MTUS2: variants seen among roughly 807,000 people sequenced by gnomAD.
MTUS2 encodes microtubule-associated tumor suppressor candidate 2.
MTUS2 carries 40 observed loss-of-function variants against 114.1 expected under a neutral mutation model. The observed-to-expected ratio is 0.35, with a 90% CI of 0.27 to 0.46. The LOEUF is 0.46. Among genes scored for constraint, MTUS2 ranks in the 20% least tolerant of loss-of-function variants. The probability of loss-of-function intolerance (pLI) is 1.00; values close to 1 mark genes in which losing one functional copy is unlikely to be tolerated. For missense variants in MTUS2, 1,679 were observed against 1,705.4 expected (o/e 0.98, Z 0.27); for synonymous variants, 688 against 672.0 (o/e 1.02, Z -0.37).
At chr13:29,237,358 A>G (rs771764995) in intron 5 of MTUS2, among the ~76,000 whole-genome samples, 1 of 152,086 alleles carries the variant, frequency 6.6e-6, no homozygotes, top group Non-Finnish European at 1.5e-5. Flanking sequence ...TTCTCAGCCT[A>G]GATTTCCTGA....
chr13:29,129,297 A>G (rs890726085), intron 5 of MTUS2, among the ~76,000 whole-genome samples: 3 of 149,418 alleles, frequency 2.0e-5, no homozygotes, highest in Non-Finnish European at 3.0e-5. Context: ...TATTTCTGTC[A>G]TTGGGCCAGA....
intron 5 of MTUS2, among the ~76,000 whole-genome samples, chr13:29,270,626 A>G (rs533730824): frequency 3.9e-5 from 6 of 152,318 alleles, no homozygotes; most frequent in Admixed American, 2.0e-4. Context: ...ATGGGGAGGA[A>G]CAATGTGGAC....
chr13:29,281,172 A>G (rs1229890286), intron 5 of MTUS2, among the ~76,000 whole-genome samples: 1 of 152,068 alleles, frequency 6.6e-6, no homozygotes, highest in East Asian at 1.9e-4. Context: ...CTACCCCTCT[A>G]CCTTCATCCC....
chr13:29,331,982 C>T (rs1325615943), intron 7 of MTUS2, among the ~76,000 whole-genome samples: 1 of 151,956 alleles, frequency 6.6e-6, no homozygotes, highest in African/African-American at 2.4e-5. Flanking sequence ...TGAGGATTTT[C>T]TCGTTAATGT....
At chr13:29,133,206 T>C (rs143194332) in intron 5 of MTUS2, among the ~76,000 whole-genome samples, 1 of 152,112 alleles carries the variant, frequency 6.6e-6, no homozygotes, top group Non-Finnish European at 1.5e-5. Flanking sequence ...TTTTGAATGG[T>C]ATTGTTTGTT....
At chr13:29,349,658 T>C (rs1002573779) in intron 7 of MTUS2, among the ~76,000 whole-genome samples, 6 of 152,164 alleles carry the variant, frequency 3.9e-5, no homozygotes, top group African/African-American at 1.4e-4. Flanking sequence ...AGTTGGCATT[T>C]TTTTTCTTTA....
intron 6 of MTUS2, chr13:29,307,682 C>A: frequency 3.5e-6 from 4 of 1,128,232 alleles, no homozygotes; most frequent in Non-Finnish European, 5.4e-6. Context: ...GCTAGCATTG[C>A]CCTCAACGAC....
At chr13:29,283,457 T>C (rs1898355442) in intron 6 of MTUS2, among the ~76,000 whole-genome samples, 1 of 152,228 alleles carries the variant, frequency 6.6e-6, no homozygotes, top group African/African-American at 2.4e-5. Context: ...ATTTGAATCT[T>C]TCAGCTACAA....
intron 4 of MTUS2, among the ~76,000 whole-genome samples, chr13:29,099,345 C>A (rs1189331467): frequency 1.3e-5 from 2 of 152,176 alleles, no homozygotes; most frequent in Non-Finnish European, 2.9e-5. Flanking sequence ...TCGGTTCCTC[C>A]CCATCCTAGT....
chr13:29,436,348 G>C (rs549167734), intron 8 of MTUS2, among the ~76,000 whole-genome samples: 25 of 152,252 alleles, frequency 1.6e-4, no homozygotes, highest in African/African-American at 6.0e-4. Flanking sequence ...CTTCACCATA[G>C]AGTCCCAGTT....
chr13:28,925,816 C>G (rs1881294109), intron 2 of MTUS2, among the ~76,000 whole-genome samples: 2 of 152,198 alleles, frequency 1.3e-5, no homozygotes, highest in Admixed American at 1.3e-4. Context: ...TTGCTTATGG[C>G]AAACACATAA....
intron 2 of MTUS2, among the ~76,000 whole-genome samples, chr13:28,904,857 T>G (rs1879884325): frequency 6.6e-6 from 1 of 152,032 alleles, no homozygotes; most frequent in Admixed American, 6.6e-5. Flanking sequence ...TATGGCCATT[T>G]TCATGATATT....
chr13:28,955,342 C>T (rs1032041273), intron 2 of MTUS2, among the ~76,000 whole-genome samples: 1 of 152,240 alleles, frequency 6.6e-6, no homozygotes, highest in African/African-American at 2.4e-5. Flanking sequence ...TTATAAGTAT[C>T]TAGAGGCAGC....
chr13:29,274,973 A>G (rs561630059), intron 5 of MTUS2, among the ~76,000 whole-genome samples: 149 of 140,132 alleles, frequency 1.1e-3, no homozygotes, highest in Non-Finnish European at 1.8e-3. Flanking sequence ...GCCTCAAGCA[A>G]TTCTCCTGCC....
At chr13:29,107,007 CT>C (rs1278768505) in intron 5 of MTUS2, among the ~76,000 whole-genome samples, 3 of 152,056 alleles carry the variant, frequency 2.0e-5, no homozygotes, top group African/African-American at 7.2e-5. Context: ...GCTTTCCTGC[CT>C]TTTGGTTTTG....
intron 7 of MTUS2, among the ~76,000 whole-genome samples, chr13:29,330,443 G>A (rs1900722231): frequency 1.3e-5 from 2 of 152,114 alleles, no homozygotes; most frequent in African/African-American, 4.8e-5. Flanking sequence ...AGTTTAATTA[G>A]ACCCCATTTG....
At chr13:29,188,596 TCATA>T (rs1894318861) in intron 5 of MTUS2, among the ~76,000 whole-genome samples, 1 of 152,156 alleles carries the variant, frequency 6.6e-6, no homozygotes, top group Non-Finnish European at 1.5e-5. Context: ...ACATCTATAA[TCATA>T]CATAAGGTAA....
chr13:29,448,412 C>A (rs1415782830), intron 9 of MTUS2, among the ~76,000 whole-genome samples: 2 of 152,208 alleles, frequency 1.3e-5, no homozygotes, highest in African/African-American at 4.8e-5. Context: ...CTCAATCACC[C>A]CAGCTGCTGG....
At chr13:29,374,229 T>C (rs1871409852) in intron 8 of MTUS2, among the ~76,000 whole-genome samples, 1 of 152,220 alleles carries the variant, frequency 6.6e-6, no homozygotes, top group Non-Finnish European at 1.5e-5. Flanking sequence ...CTAATATTTT[T>C]GTAATAGGCG....
Sources: gnomAD v4.1 joint callset for allele counts (sites outside exome capture counted in the v4.1 genomes callset) on GRCh38, gnomAD v4.1.1 for gene constraint, MANE v1.5 for transcripts, NCBI Gene and HGNC (gene_info 2026-07-23, HGNC 2026-07-21) for gene names.